Variants in FILIP1 observed in about 807,000 individuals in gnomAD.
FILIP1 encodes filamin-A-interacting protein 1.
FILIP1 carries 61 observed loss-of-function variants against 102.1 expected under a neutral mutation model. The observed-to-expected ratio is 0.60, with a 90% CI of 0.49 to 0.74. The LOEUF is 0.74. Ranked by LOEUF, FILIP1 falls within the 30% of genes least tolerant of loss-of-function variation. The pLI is 0.00. For synonymous variants in FILIP1, 491 were observed against 526.9 expected (o/e 0.93, Z 0.93); for missense variants, 1,314 against 1,441.2 (o/e 0.91, Z 1.43).
At chr6:75,369,534 G>C (rs1383999762) in intron 2 of FILIP1, among the ~76,000 whole-genome samples, 1 of 152,034 alleles carries the variant, frequency 6.6e-6, no homozygotes, top group African/African-American at 2.4e-5. Context: ...TATTATGTCT[G>C]ACGACAATTT....
rs147623421 is a variant in FILIP1 at position 75,476,118 on chromosome 6, A to G, written c.-7+17296T>C. The stretch of plus-strand genomic sequence containing the variant: ...TAGCTGGGTGTGGTGGCAGATGCCT[A>G]TAATCCCAGCTACTCAGGAGGCGGA... On this transcript the variant is annotated intron_variant, in intron 1 of 5. Coordinates refer to ENST00000237172, the MANE Select transcript of FILIP1 (RefSeq NM_015687.5). 5.3e-3 allele frequency among the ~76,000 whole-genome samples: 812 copies of G among 151,908 alleles called. 5 individuals are homozygous for G. The highest frequency in any genetic ancestry group is 0.018 in the African/African-American group (741 of 41,428).
intron 2 of FILIP1, chr6:75,386,158 C>T (rs1050875348): frequency 2.0e-5 from 3 of 152,102 alleles, no homozygotes; most frequent in Non-Finnish European, 4.4e-5. Flanking sequence ...ATGCATTGAC[C>T]TCTACTGAGT....
Position 75,452,029 on chromosome 6 carries a change from T to C in FILIP1, c.-6-37051A>G, listed in dbSNP as rs116067524. 2.7e-3 allele frequency among the ~76,000 whole-genome samples: 415 copies of C among 152,248 alleles called. 2 individuals are homozygous for C. The highest frequency in any genetic ancestry group is 8.9e-3 in the African/African-American group (370 of 41,550). The stretch of plus-strand genomic sequence containing the variant: ...AATATTTGGATCGAATAATTCCAAC[T>C]TCTGGGAATTTATCCTTAAGTTATT... On this transcript the variant is annotated intron_variant, in intron 1 of 5. Transcript: ENST00000237172.
downstream of FILIP1, among the ~76,000 whole-genome samples, chr6:75,306,601 T>TA (rs1458469342): frequency 2.0e-5 from 3 of 152,142 alleles, no homozygotes; most frequent in Admixed American, 6.5e-5. Context: ...AAAAATCTTG[T>TA]AAAAAAATAT....
At chr6:75,444,547 A>G (rs1329019242) in intron 1 of FILIP1, among the ~76,000 whole-genome samples, 6 of 87,574 alleles carry the variant, frequency 6.9e-5, no homozygotes, top group African/African-American at 3.3e-4. Flanking sequence ...ACTTTGATTT[A>G]CAACATCAAA....
chr6:75,469,790 T>G (rs1267078895), intron 1 of FILIP1, among the ~76,000 whole-genome samples: 18 of 152,084 alleles, frequency 1.2e-4, no homozygotes, highest in Non-Finnish European at 1.6e-4. Flanking sequence ...CCAATATAAC[T>G]GGCTAACTTA....
chr6:75,395,641 G>T (rs1047397819), intron 2 of FILIP1, among the ~76,000 whole-genome samples: 4 of 152,034 alleles, frequency 2.6e-5, no homozygotes, highest in African/African-American at 9.7e-5. Flanking sequence ...CCTAATTTTT[G>T]AACACAAGTT....
intron 1 of FILIP1, among the ~76,000 whole-genome samples, chr6:75,433,875 A>G (rs1423554815): frequency 1.3e-5 from 2 of 152,192 alleles, no homozygotes; most frequent in African/African-American, 4.8e-5. Context: ...ATAAGGTGTA[A>G]GGAAGGGATA....
At chr6:75,320,171 T>C (rs894371481) in intron 4 of FILIP1, among the ~76,000 whole-genome samples, 1 of 152,210 alleles carries the variant, frequency 6.6e-6, no homozygotes, top group Non-Finnish European at 1.5e-5. Context: ...TTTGCCCCCT[T>C]GCGTAATGCC....
intron 2 of FILIP1, among the ~76,000 whole-genome samples, chr6:75,413,002 C>T (rs923713895): frequency 6.6e-6 from 1 of 152,042 alleles, no homozygotes; most frequent in Non-Finnish European, 1.5e-5. Flanking sequence ...TCTTTGGAGC[C>T]ATCTGACTAA....
chr6:75,395,406 A>G (rs2149662911), intron 2 of FILIP1, among the ~76,000 whole-genome samples: 1 of 152,124 alleles, frequency 6.6e-6, no homozygotes, highest in South Asian at 2.1e-4. Flanking sequence ...CAGCCTCCTG[A>G]GTAACTGGGA....
intron 2 of FILIP1, among the ~76,000 whole-genome samples, chr6:75,412,661 A>G (rs2808198): frequency 0.037 from 5,593 of 152,270 alleles, 351 homozygotes; most frequent in African/African-American, 0.13. Context: ...CTACTACTAC[A>G]AGAATATATA....
At chr6:75,396,936 G>T (rs1247372665) in intron 2 of FILIP1, among the ~76,000 whole-genome samples, 1 of 147,160 alleles carries the variant, frequency 6.8e-6, no homozygotes, top group East Asian at 2.0e-4. Context: ...GTCATGTTAC[G>T]TTCTCACTCA....
chr6:75,408,500 C>T (rs1004862991), intron 2 of FILIP1, among the ~76,000 whole-genome samples: 2 of 152,212 alleles, frequency 1.3e-5, no homozygotes, highest in Non-Finnish European at 2.9e-5. Context: ...CAATAAAGGT[C>T]ATGTTGTTTA....
intron 1 of FILIP1, among the ~76,000 whole-genome samples, chr6:75,476,843 T>C (rs1056516954): frequency 6.6e-6 from 1 of 152,196 alleles, no homozygotes; most frequent in African/African-American, 2.4e-5. Context: ...CCTAGAGTCA[T>C]GACAGACCAT....
In FILIP1 at chr6:75,321,685, T is replaced by G. The variant is rs950558889; in HGVS notation, c.630-6483A>C. Among the ~76,000 whole-genome samples, 5 of 120,898 alleles carry G rather than the reference T, an allele frequency of 4.1e-5. No individual in the cohort carries two copies. In the East Asian group the frequency reaches 1.2e-3, roughly 30 times the overall value. The allele number at this position is 120,898 out of a possible 152,430, so 79.3% of individuals were successfully genotyped here. On this transcript the variant is annotated intron_variant, in intron 4 of 5. Transcript: ENST00000237172. ...GGCGGGCGCCTGTAGTCCCAGCTACTCGGGAGGCTGAGGCAGGAGAATGGC... is the reference window on the plus strand; with the variant it reads ...GGCGGGCGCCTGTAGTCCCAGCTACGCGGGAGGCTGAGGCAGGAGAATGGC...
At position 75,431,438 on chromosome 6, in the gene FILIP1, CAGGG is replaced by C; in HGVS notation, c.-6-16464_-6-16461del. Among the ~76,000 whole-genome samples, 11 of 152,224 alleles carry C rather than the reference CAGGG, an allele frequency of 7.2e-5. 3 individuals carry two copies. Among genetic ancestry groups the C allele is most frequent in the Admixed American group, 7.2e-4 (11 of 15,268 alleles). Reference sequence around the variant, plus strand: ...GAGTTAGTATTTTCCAAATTTGAACCAGGGAGGGTGTCCTTTACCCTTCTTCCCC... The same window carrying C: ...GAGTTAGTATTTTCCAAATTTGAACCAGGGTGTCCTTTACCCTTCTTCCCC... On this transcript the variant is annotated intron_variant, in intron 1 of 5. Transcript: ENST00000237172.
rs188283264 is a variant in FILIP1, at chr6:75,314,109, A to T, written c.1723T>A (p.Leu575Met). The change falls in exon 5 of 6, where the codon TTG (leucine) becomes ATG (methionine). Residue 575 changes from leucine (L) to methionine (M), a missense_variant. This residue lies in a region of FILIP1 where 816 missense variants were observed against 913.1 expected (regional missense o/e 0.89). Transcript: ENST00000237172. ...TCTTCACTTTTCAATTTGCCTATCA[A>T]CTCATCTCTTTCTCTTGTCAAGTTG... ...VYNLTRERDE[L>M]IGKLKSEEEK... is the part of the protein sequence containing the mutation. The T allele has an allele frequency of 2.8e-5, 42 of 1,510,600 alleles. No homozygotes were observed. The East Asian group carries it at 9.9e-4, about 36-fold the overall frequency. 93.6% of individuals were successfully genotyped at this position (1,510,600 alleles called of 1,614,324 possible).
chr6:75,359,298 G>A (rs896042228), intron 3 of FILIP1, among the ~76,000 whole-genome samples: 5 of 152,272 alleles, frequency 3.3e-5, no homozygotes, highest in African/African-American at 9.6e-5. Flanking sequence ...GAGCCACCGC[G>A]CCCAGTGATA....
Sources: allele counts gnomAD v4.1 joint callset (sites outside exome capture counted in the v4.1 genomes callset), GRCh38; gene constraint gnomAD v4.1.1; regional missense constraint gnomAD v4.1.1; transcripts MANE v1.5; gene names NCBI Gene and HGNC (gene_info 2026-07-23, HGNC 2026-07-21).